CRYBG3: variants seen among roughly 807,000 people sequenced by gnomAD.
CRYBG3 encodes the protein crystallin beta-gamma domain containing 3.
In CRYBG3, 127 loss-of-function variants were observed where a neutral mutation model predicts 244.2. The ratio of observed to expected loss-of-function variants is 0.52; its 90% CI spans 0.45 to 0.60. The LOEUF is 0.60. CRYBG3 is among the 20% of genes least tolerant of loss of function. The pLI is 0.00. For synonymous variants in CRYBG3, 1,132 were observed against 1,195.8 expected, an observed-to-expected ratio of 0.95 and a Z score of 1.10; for missense variants, 3,325 against 3,442.5, an observed-to-expected ratio of 0.97 and a Z score of 0.85.
chr3:97,851,570 A>G (rs1461997628), intron 2 of CRYBG3, among the ~76,000 whole-genome samples: 1 of 152,224 alleles, frequency 6.6e-6, no homozygotes, highest in Non-Finnish European at 1.5e-5. Flanking sequence ...AGCAGTGGAA[A>G]TAGCATTCTG....
At chr3:97,889,269 TAAC>T in intron 9 of CRYBG3, 83 bp from the exon 10 acceptor site, 1 of 1,027,838 alleles carries the variant, frequency 9.7e-7, no homozygotes, top group Non-Finnish European at 1.5e-6. Flanking sequence ...GATTTTTATG[TAAC>T]CTACATATAT....
chr3:97,942,504 C>T, intron 21 of CRYBG3, 61 bp downstream of exon 21: 1 of 1,429,990 alleles, frequency 7.0e-7, no homozygotes, highest in South Asian at 1.5e-5. Flanking sequence ...TCCAAATCTC[C>T]TCATTTTGGG....
At chr3:97,842,225 T>C (rs1413618627) in intron 1 of CRYBG3, among the ~76,000 whole-genome samples, 1 of 152,156 alleles carries the variant, frequency 6.6e-6, no homozygotes, top group East Asian at 1.9e-4. Flanking sequence ...TCTAGTATTA[T>C]GAAAGTATGA....
At chr3:97,935,544 A>G (rs1265685794) in intron 18 of CRYBG3, among the ~76,000 whole-genome samples, 1 of 152,044 alleles carries the variant, frequency 6.6e-6, no homozygotes, top group Non-Finnish European at 1.5e-5. Context: ...TCATAGCTGT[A>G]ATACATCAAG....
At chr3:97,863,322 G>A (rs1391563961) in intron 2 of CRYBG3, among the ~76,000 whole-genome samples, 2 of 152,256 alleles carry the variant, frequency 1.3e-5, no homozygotes, top group East Asian at 3.9e-4. Context: ...GAAATAGCAT[G>A]AAGTGGAATG....
intron 3 of CRYBG3, among the ~76,000 whole-genome samples, 187 bp downstream of exon 3, chr3:97,864,834 A>C (rs1024021538): frequency 6.6e-6 from 1 of 152,126 alleles, no homozygotes; most frequent in African/African-American, 2.4e-5. Context: ...AGAACCATAC[A>C]GGTAATCTAG....
At chr3:97,926,326 T>C (rs1340285181) in intron 17 of CRYBG3, among the ~76,000 whole-genome samples, 1 of 152,110 alleles carries the variant, frequency 6.6e-6, no homozygotes, top group Non-Finnish European at 1.5e-5. Context: ...ATCCTCATAA[T>C]TATCTCAATA....
At chr3:97,906,278 G>A (rs990272556) in intron 15 of CRYBG3, among the ~76,000 whole-genome samples, 1 of 128,348 alleles carries the variant, frequency 7.8e-6, no homozygotes, top group African/African-American at 2.7e-5. Context: ...CCAATTCTGT[G>A]AAGAAAGGCA....
chr3:97,843,232 GA>G lies in CRYBG3; in HGVS notation c.191del (p.Asn64MetfsTer8). The G allele has an allele frequency of 1.3e-6, 2 of 1,516,976 alleles. No homozygotes were observed. The highest frequency in any genetic ancestry group is 1.8e-6 in the Non-Finnish European group (2 of 1,133,084). The allele number at this position is 1,516,976 out of a possible 1,614,324, so 94.0% of individuals were successfully genotyped here. Reference sequence around the variant, plus strand: ...GCCCATGAGCACAAGTCAGAAAAAGGAAAATGTACTTTCATCAGAAGCAGTA... The same window carrying G: ...GCCCATGAGCACAAGTCAGAAAAAGGAAATGTACTTTCATCAGAAGCAGTA... ...NEPMSTSQKKENVLSSEAVKI... is the reference protein window; with the variant it reads ...NEPMSTSQKKXNVLSSEAVKI... On this transcript the variant is annotated frameshift_variant, in exon 2 of 22. Coordinates refer to ENST00000389622, the MANE Select transcript of CRYBG3 (RefSeq NM_153605.4). LOFTEE classifies it high-confidence loss of function.
chr3:97,874,540 G>T lies in CRYBG3; in HGVS notation c.3346G>T (p.Val1116Phe), dbSNP rs1352711577. The change falls in exon 4 of 22, where the codon GTC (valine) becomes TTC (phenylalanine). Residue 1116 changes from valine to phenylalanine, a missense_variant. Transcript: ENST00000389622. ...TTSYLEFETS[V>F]SIGTEVTPFQ... ...CTCTTATTTGGAATTTGAAACGTCT[G>T]TCTCAATTGGGACAGAAGTAACCCC... 1 of 1,535,512 alleles carries T rather than the reference G, an allele frequency of 6.5e-7. No individual in the cohort carries two copies.
intron 15 of CRYBG3, among the ~76,000 whole-genome samples, chr3:97,908,534 T>C (rs1440996833): frequency 1.3e-5 from 2 of 152,186 alleles, no homozygotes; most frequent in Non-Finnish European, 2.9e-5. Context: ...TCTTTGTTGG[T>C]TTAAAGTCTG....
chr3:97,876,311 A>G lies in CRYBG3; in HGVS notation c.5117A>G (p.Glu1706Gly). ...GGTGAAGGGATTAGTGAAAAGGCTG[A>G]AGTGATACCCGTTACATTAGCAATG... ...KGGEGISEKA[E>G]VIPVTLAMEN... The change falls in exon 4 of 22, where the codon GAA becomes GGA. Residue 1706 changes from glutamate (E) to glycine (G), a missense_variant. Coordinates refer to ENST00000389622, the MANE Select transcript of CRYBG3 (RefSeq NM_153605.4). The G allele has an allele frequency of 8.1e-7, 1 of 1,232,066 alleles. No individual in the cohort carries two copies. The highest frequency in any genetic ancestry group is 1.0e-6 in the Non-Finnish European group (1 of 987,958). 76.3% of individuals were successfully genotyped at this position (1,232,066 alleles called of 1,614,324 possible).
intron 15 of CRYBG3, among the ~76,000 whole-genome samples, chr3:97,901,124 T>C (rs2039702502): frequency 6.6e-6 from 1 of 152,094 alleles, no homozygotes; most frequent in South Asian, 2.1e-4. Flanking sequence ...TACACACAAC[T>C]AGAAGTAGCA....
rs779724894 is a variant in CRYBG3, at chr3:97,875,183, A to T, written c.3989A>T (p.Asp1330Val). The change falls in exon 4 of 22, where the codon GAT becomes GTT. Residue 1330 changes from aspartate to valine, a missense_variant. By Grantham distance (152) the Asp-to-Val change is radical. Coordinates refer to ENST00000389622, the MANE Select transcript of CRYBG3 (RefSeq NM_153605.4). ...AATGATACTTTTGAAGATACTGAGG[A>T]TACTTGGGATTCTGAACTTCAGGCT... ...LRNDTFEDTE[D>V]TWDSELQANT... 2.0e-6 allele frequency: 3 copies of T among 1,535,302 alleles called. No homozygotes were observed. The Admixed American group carries it at 5.9e-5, about 30-fold the overall frequency.
At position 97,872,865 on chromosome 3, in the gene CRYBG3, A is replaced by C. The variant is rs1244578661; in HGVS notation, c.1671A>C (p.Lys557Asn). Residue 557 changes from lysine to asparagine, a missense_variant, in exon 4 of 22, where the codon AAA becomes AAC. Physicochemically the swap from Lys to Asn is moderately conservative, Grantham distance 94 (BLOSUM62 0). Coordinates refer to ENST00000389622, the MANE Select transcript of CRYBG3 (RefSeq NM_153605.4). ...AAGATAAAATTGAGTCATTACCCAA[A>C]GATACTGACCAATACTTTGAAACCA... ...APEDKIESLPKDTDQYFETKA... is the reference protein window; with the variant it reads ...APEDKIESLPNDTDQYFETKA... The C allele has an allele frequency of 5.9e-6, 9 of 1,535,620 alleles. No homozygotes were observed. The highest frequency in any genetic ancestry group is 3.3e-4 in the Middle Eastern group (2 of 6,010).
Position 97,874,549 on chromosome 3 carries a change from G to A in CRYBG3, c.3355G>A (p.Gly1119Arg). The A allele has an allele frequency of 6.5e-7, 1 of 1,533,048 alleles. No homozygotes were observed. The highest frequency in any genetic ancestry group is 1.7e-4 in the Middle Eastern group (1 of 5,978). The allele number at this position is 1,533,048 out of a possible 1,614,324, so 95.0% of individuals were successfully genotyped here. The change falls in exon 4 of 22, where the codon GGG (glycine) becomes AGG (arginine). Residue 1119 changes from glycine (G) to arginine (R), a missense_variant. Gly to Arg is a moderately radical substitution (Grantham distance 125). Transcript: ENST00000389622. ...GGAATTTGAAACGTCTGTCTCAATTGGGACAGAAGTAACCCCATTTCAGGA... is the reference window on the plus strand; with the variant it reads ...GGAATTTGAAACGTCTGTCTCAATTAGGACAGAAGTAACCCCATTTCAGGA... ...YLEFETSVSI[G>R]TEVTPFQEHF...
intron 7 of CRYBG3, among the ~76,000 whole-genome samples, chr3:97,881,559 T>C (rs1451675287): frequency 6.7e-6 from 1 of 148,652 alleles, no homozygotes; most frequent in East Asian, 2.0e-4. Context: ...CTACTAAAAA[T>C]ACAAAAATTG....
chr3:97,868,026 G>A (rs2039256018), intron 3 of CRYBG3, among the ~76,000 whole-genome samples: 1 of 152,180 alleles, frequency 6.6e-6, no homozygotes. Flanking sequence ...GCTCACGCCT[G>A]TAATCCCAGC....
At position 97,895,981 on chromosome 3, in the gene CRYBG3, C is replaced by T; in HGVS notation, c.7597C>T (p.His2533Tyr). ...TAGGTGGGTTGCCTATGAAAAAGAACATTTTAAAGGCCAGCAGTTTCTGCT... is the reference window on the plus strand; with the variant it reads ...TAGGTGGGTTGCCTATGAAAAAGAATATTTTAAAGGCCAGCAGTTTCTGCT... ...GGVWVAYEKEHFKGQQFLLEE... is the reference protein window; with the variant it reads ...GGVWVAYEKEYFKGQQFLLEE... Residue 2533 changes from histidine to tyrosine, a missense_variant, in exon 12 of 22, where the codon CAT becomes TAT. Around this residue, in one of 4 missense-constraint regions of CRYBG3, gnomAD observed 714 missense variants for 803.6 expected, o/e 0.89. Coordinates refer to ENST00000389622, the MANE Select transcript of CRYBG3 (RefSeq NM_153605.4). The T allele has an allele frequency of 6.2e-7, 1 of 1,613,066 alleles. No homozygotes were observed. The highest frequency in any genetic ancestry group is 1.1e-5 in the South Asian group (1 of 91,010).
Sources: allele counts gnomAD v4.1 joint callset (sites outside exome capture counted in the v4.1 genomes callset), GRCh38; gene constraint gnomAD v4.1.1; regional missense constraint gnomAD v4.1.1; transcripts MANE v1.5; gene names NCBI Gene and HGNC (gene_info 2026-07-23, HGNC 2026-07-21).